The following AP4E1 variants were observed in gnomAD, a reference collection of about 807,000 sequenced individuals.
AP4E1 encodes adaptor related protein complex 4 subunit epsilon 1, also known as AP-4 complex subunit epsilon-1.
AP4E1 carries 56 observed loss-of-function variants against 128.2 expected under a neutral mutation model. The observed-to-expected ratio is 0.44, with a 90% CI of 0.35 to 0.55. The LOEUF (loss-of-function observed/expected upper bound fraction) is 0.55, where lower values mean the gene tolerates loss of function less well. Among genes scored for constraint, AP4E1 ranks in the 20% least tolerant of loss-of-function variants. The probability of loss-of-function intolerance (pLI) is 0.00; values close to 1 mark genes in which losing one functional copy is unlikely to be tolerated. For synonymous variants in AP4E1, 484 were observed against 473.1 expected (o/e 1.02, Z -0.30); for missense variants, 1,324 against 1,307.7 (o/e 1.01, Z -0.19).
chr15:50,950,019 G>A, intron 12 of AP4E1, 32 bp from the exon 13 acceptor site: 6 of 1,596,942 alleles, frequency 3.8e-6, no homozygotes, highest in Non-Finnish European at 5.2e-6. Flanking sequence ...TAAGTTTGTG[G>A]AAATTAAAAT....
At chr15:50,929,735 A>G (rs2063809212) in intron 6 of AP4E1, among the ~76,000 whole-genome samples, 1 of 152,162 alleles carries the variant, frequency 6.6e-6, no homozygotes, top group African/African-American at 2.4e-5. Context: ...ACAAAATAAA[A>G]TATGCTATTG....
At chr15:50,998,136 C>T (rs1221224724) in intron 18 of AP4E1, among the ~76,000 whole-genome samples, 1 of 152,148 alleles carries the variant, frequency 6.6e-6, no homozygotes, top group East Asian at 1.9e-4. Flanking sequence ...CTAGCTCTAA[C>T]AGATTGCCAT....
intron 10 of AP4E1, among the ~76,000 whole-genome samples, chr15:50,943,286 A>G (rs1596473585): frequency 6.6e-6 from 1 of 152,208 alleles, no homozygotes; most frequent in South Asian, 2.1e-4. Flanking sequence ...CTTAAAAGCA[A>G]TGAGCTAAGA....
rs1285189351 is a variant in AP4E1 at position 50,993,512 on chromosome 15, A to G, written c.2233A>G (p.Ile745Val). ...TATAATGGAGAATGTAGATCAAGCT[A>G]TAACTAAAAAGGATCAATCTCAAGT... The part of the protein sequence containing the change: ...ESIMENVDQA[I>V]TKKDQSQVLT... Residue 745 changes from isoleucine to valine, a missense_variant, in exon 17 of 21, where the codon ATA (isoleucine) becomes GTA (valine). Ile to Val is a conservative substitution (Grantham distance 29). Coordinates refer to ENST00000261842, the MANE Select transcript of AP4E1 (RefSeq NM_007347.5). The G allele has an allele frequency of 1.1e-5, 17 of 1,613,926 alleles. No individual in the cohort carries two copies. Among genetic ancestry groups the G allele is most frequent in the South Asian group, 3.3e-5 (3 of 91,088 alleles).
intron 3 of AP4E1, 70 bp downstream of exon 3, chr15:50,915,641 A>T (rs2063621368): frequency 2.1e-5 from 31 of 1,499,436 alleles, no homozygotes; most frequent in Admixed American, 5.0e-5. Flanking sequence ...TACAAAATGA[A>T]TGATGGCATG....
chr15:50,926,335 A>G (rs2063769522), intron 5 of AP4E1, among the ~76,000 whole-genome samples: 2 of 151,378 alleles, frequency 1.3e-5, no homozygotes, highest in Admixed American at 1.3e-4. Flanking sequence ...GCAGGGTTTC[A>G]CCATCTTGGC....
Position 51,005,355 on chromosome 15 carries a change from T to C in AP4E1, c.*2693T>C, listed in dbSNP as rs2065006440. The stretch of plus-strand genomic sequence containing the variant: ...GGCAGCAAGTGTGAATCTGGGGGAA[T>C]ATAAGGGAAGACAGAAAAGCCTTAA... On this transcript the variant is annotated 3_prime_UTR_variant, in exon 21 of 21. Transcript: ENST00000261842. 6.5e-6 allele frequency: 1 copy of C among 152,740 alleles called. No individual in the cohort carries two copies. The highest frequency in any genetic ancestry group is 2.1e-4 in the South Asian group (1 of 4,826). The allele number at this position is 152,740 out of a possible 1,614,324, so 9.5% of individuals were successfully genotyped here.
chr15:50,993,427 T>A lies in AP4E1; in HGVS notation c.2148T>A (p.Leu716=). The change falls in exon 17 of 21, where the codon CTT becomes CTA. Residue 716 remains leucine (L), a synonymous_variant. Coordinates refer to ENST00000261842, the MANE Select transcript of AP4E1 (RefSeq NM_007347.5). ...AATTGTGGGGGAAAGAAGGCTATCTTCCCAAGAAGGAAAGCAAAACTGGTG... is the reference window on the plus strand; with the variant it reads ...AATTGTGGGGGAAAGAAGGCTATCTACCCAAGAAGGAAAGCAAAACTGGTG... ...IKKLWGKEGY[L]PKKESKTGDE... The A allele has an allele frequency of 1.2e-6, 2 of 1,613,968 alleles. No homozygotes were observed. The highest frequency in any genetic ancestry group is 1.7e-6 in the Non-Finnish European group (2 of 1,179,970).
At chr15:50,953,338 C>T (rs902770060) in intron 13 of AP4E1, among the ~76,000 whole-genome samples, 1 of 152,166 alleles carries the variant, frequency 6.6e-6, no homozygotes, top group African/African-American at 2.4e-5. Context: ...AGTCGGCCCC[C>T]TTATCTGTAG....
intron 11 of AP4E1, among the ~76,000 whole-genome samples, chr15:50,948,762 C>A (rs972535640): frequency 1.3e-5 from 2 of 151,658 alleles, no homozygotes; most frequent in Admixed American, 6.6e-5. Context: ...CACCTGAGGT[C>A]GGGAGTTTGA....
intron 3 of AP4E1, among the ~76,000 whole-genome samples, chr15:50,918,403 G>A (rs2063654917): frequency 6.6e-6 from 1 of 152,136 alleles, no homozygotes; most frequent in African/African-American, 2.4e-5. Flanking sequence ...TTGTTACTTG[G>A]CTGGCTTCCA....
chr15:51,004,698 A>T lies in AP4E1; in HGVS notation c.*2036A>T, dbSNP rs1371922389. 6.6e-6 allele frequency: 1 copy of T among 152,662 alleles called. No homozygotes were observed. Among genetic ancestry groups the T allele is most frequent in the African/African-American group, 2.4e-5 (1 of 41,452 alleles). The allele number at this position is 152,662 out of a possible 1,614,324, so 9.5% of individuals were successfully genotyped here. On this transcript the variant is annotated 3_prime_UTR_variant, in exon 21 of 21. Transcript: ENST00000261842. ...AGTAGTGTAACAGGGTTTCACTGGA[A>T]TGTTTATTAGAAAGTTTACACTTTT... is the stretch of plus-strand genomic sequence containing the variant.
chr15:50,918,295 T>TTACTACATGG (rs2063653852), intron 3 of AP4E1, among the ~76,000 whole-genome samples: 2 of 152,154 alleles, frequency 1.3e-5, no homozygotes. Flanking sequence ...GGGAACCTGT[T>TTACTACATGG]TAAATATTGC....
intron 17 of AP4E1, among the ~76,000 whole-genome samples, chr15:50,995,681 C>T (rs966187174): frequency 2.0e-5 from 3 of 151,968 alleles, no homozygotes; most frequent in African/African-American, 4.8e-5. Flanking sequence ...CCGCCATGCC[C>T]GGCCTCACCT....
intron 8 of AP4E1, among the ~76,000 whole-genome samples, chr15:50,940,594 T>G (rs2063971873): frequency 6.6e-6 from 1 of 152,196 alleles, no homozygotes; most frequent in African/African-American, 2.4e-5. Context: ...AGTTTTTAAG[T>G]GTTGATTCTG....
At chr15:50,909,764 T>G (rs2063541308) in intron 1 of AP4E1, among the ~76,000 whole-genome samples, 1 of 152,044 alleles carries the variant, frequency 6.6e-6, no homozygotes, top group Non-Finnish European at 1.5e-5. Context: ...CTGGGCTCAC[T>G]ACAAGCTCCG....
At chr15:50,944,787 A>G (rs2064035777) in intron 10 of AP4E1, 1 of 666,990 alleles carries the variant, frequency 1.5e-6, no homozygotes, top group South Asian at 1.8e-5. Flanking sequence ...AGAATATGTA[A>G]GAGCTTTAAA....
chr15:50,908,572 G>T (rs981669378), upstream of AP4E1: 7 of 543,090 alleles, frequency 1.3e-5, no homozygotes, highest in South Asian at 3.9e-5. Context: ...TCGAGCGAGC[G>T]GCCTTTTCCA....
chr15:50,917,299 A>T (rs1268898560), intron 3 of AP4E1, among the ~76,000 whole-genome samples: 3 of 152,242 alleles, frequency 2.0e-5, no homozygotes, highest in Non-Finnish European at 4.4e-5. Flanking sequence ...TTCAATCATA[A>T]CAAGAGTCAG....
Sources: gnomAD v4.1 joint callset for allele counts (sites outside exome capture counted in the v4.1 genomes callset) on GRCh38, gnomAD v4.1.1 for gene constraint, MANE v1.5 for transcripts, NCBI Gene and HGNC (gene_info 2026-07-23, HGNC 2026-07-21) for gene names.